ANO9: variants seen among roughly 807,000 people sequenced by gnomAD.
ANO9 encodes anoctamin 9, also known as anoctamin-9.
In ANO9, 80 loss-of-function variants were observed where a neutral mutation model predicts 100.5. That is an observed-to-expected ratio of 0.80 (90% CI 0.66 to 0.96). The LOEUF is 0.96. ANO9 is among the 40% of genes least tolerant of loss of function. ANO9 has a pLI of 0.00. For synonymous variants in ANO9, 473 were observed against 435.6 expected, an observed-to-expected ratio of 1.09 and a Z score of -1.07; for missense variants, 1,064 against 1,072.7, an observed-to-expected ratio of 0.99 and a Z score of 0.11.
In ANO9 at chr11:421,264, C is replaced by G; in HGVS notation, c.1335-66G>C. Reference sequence around the variant, plus strand: ...CCTGCCTCTGACAGGGTGGGTGCAGCAGGACAGAAGCGGGTAGGAAAGACA... The same window carrying G: ...CCTGCCTCTGACAGGGTGGGTGCAGGAGGACAGAAGCGGGTAGGAAAGACA... On this transcript the variant is annotated intron_variant, in intron 15 of 22. Transcript: ENST00000332826. The surrounding 1 kb of genome is among the most constrained non-coding windows in gnomAD (Gnocchi z 6.8). The G allele has an allele frequency of 7.0e-7, 1 of 1,435,246 alleles. No homozygotes were observed. Among genetic ancestry groups the G allele is most frequent in the Non-Finnish European group, 9.2e-7 (1 of 1,085,874 alleles). The allele number at this position is 1,435,246 out of a possible 1,614,324, so 88.9% of individuals were successfully genotyped here.
At chr11:433,975 G>A in intron 2 of ANO9, 38 bp from the exon 3 acceptor site, 1 of 1,551,982 alleles carries the variant, frequency 6.4e-7, no homozygotes, top group Non-Finnish European at 8.7e-7. Flanking sequence ...GCAGGTGAAG[G>A]GGCAGAGCAG....
intron 19 of ANO9, 153 bp downstream of exon 19, chr11:420,310 C>T: frequency 1.4e-6 from 2 of 1,453,360 alleles, no homozygotes; most frequent in East Asian, 5.0e-5. Context: ...CCAGGCTCAA[C>T]CCGCATCCGA....
chr11:435,406 A>ATAGTC (rs1049522939), intron 1 of ANO9, among the ~76,000 whole-genome samples: 2 of 150,144 alleles, frequency 1.3e-5, no homozygotes, highest in African/African-American at 4.9e-5. Context: ...ATAGTCTAGT[A>ATAGTC]TAGTCTAGTC....
intron 11 of ANO9, 116 bp from the exon 12 acceptor site, chr11:428,942 G>A: frequency 1.0e-6 from 1 of 972,706 alleles, no homozygotes; most frequent in South Asian, 1.5e-5. Context: ...CCCACACATG[G>A]GGAGACAGAC....
chr11:418,900 AC>A lies in ANO9; in HGVS notation c.2023del (p.Val675Ter), dbSNP rs1234579560. ...GGGAGTTCCAAACCTGCACAGAGTCACGTTTTCTGAGCCCTCAATCCCATCA... is the reference window on the plus strand; with the variant it reads ...GGGAGTTCCAAACCTGCACAGAGTCAGTTTTCTGAGCCCTCAATCCCATCA... ...DPDGIEGSEN[V>X]TLCRYRDYRN... On this transcript the variant is annotated frameshift_variant, in exon 21 of 23. Transcript: ENST00000332826. LOFTEE classifies it high-confidence loss of function. 1.2e-6 allele frequency: 2 copies of A among 1,613,488 alleles called. No individual in the cohort carries two copies. Among genetic ancestry groups the A allele is most frequent in the Non-Finnish European group, 1.7e-6 (2 of 1,179,984 alleles).
chr11:430,342 GC>G lies in ANO9; in HGVS notation c.600del (p.Met200IlefsTer7). The G allele has an allele frequency of 6.2e-7, 1 of 1,610,062 alleles. No individual in the cohort carries two copies. The highest frequency in any genetic ancestry group is 8.5e-7 in the Non-Finnish European group (1 of 1,179,214). On this transcript the variant is annotated frameshift_variant, in exon 8 of 23. Transcript: ENST00000332826. LOFTEE classifies it high-confidence loss of function. ...YFVWLGWYTY[M>X]LVPAALTGLL... ...AGGCCCGTCAGGGCGGCCGGCACCAGCATGTAGGTGTACCAGCCCAGCCAGA... is the reference window on the plus strand; with the variant it reads ...AGGCCCGTCAGGGCGGCCGGCACCAGATGTAGGTGTACCAGCCCAGCCAGA...
chr11:432,240 G>A lies in ANO9; in HGVS notation c.351-186C>T. 1.6e-6 allele frequency: 1 copy of A among 626,192 alleles called. No individual in the cohort carries two copies. The highest frequency in any genetic ancestry group is 2.8e-6 in the Non-Finnish European group (1 of 362,188). 38.8% of individuals were successfully genotyped at this position (626,192 alleles called of 1,614,324 possible). Reference sequence around the variant, plus strand: ...GAGCCCACCCCGCACCCTCCTTAAAGTGCTCCCAGGGCCTGGCCTGCCCCA... The same window carrying A: ...GAGCCCACCCCGCACCCTCCTTAAAATGCTCCCAGGGCCTGGCCTGCCCCA... On this transcript the variant is annotated intron_variant, in intron 4 of 22. Transcript: ENST00000332826. This position sits in a 1 kb window ranked among gnomAD's most constrained non-coding sequence, Gnocchi z 4.8.
Position 441,983 on chromosome 11 carries a change from C to T in ANO9, c.-57G>A, listed in dbSNP as rs1312593251. The T allele has an allele frequency of 4.4e-6, 7 of 1,586,420 alleles. No homozygotes were observed. The highest frequency in any genetic ancestry group is 2.7e-5 in the African/African-American group (2 of 74,798). ...TGGCGGCCAGGAGAGTGGCTGCCAGCGGCGGGTGCTCCTACCTGACTTCCG... is the reference window on the plus strand; with the variant it reads ...TGGCGGCCAGGAGAGTGGCTGCCAGTGGCGGGTGCTCCTACCTGACTTCCG... On this transcript the variant is annotated 5_prime_UTR_variant, in exon 1 of 23. Transcript: ENST00000332826.
chr11:437,755 G>A (rs867758386), intron 1 of ANO9, among the ~76,000 whole-genome samples: 3 of 152,212 alleles, frequency 2.0e-5, no homozygotes, highest in Admixed American at 6.5e-5. Flanking sequence ...GCTTGCCTCC[G>A]TAGGGGCCCG....
In ANO9 at chr11:425,766, C is replaced by G. The variant is rs527729886; in HGVS notation, c.1334+2322G>C. Reference sequence around the variant, plus strand: ...GTTTTTTTTGAGACGGAGTCTCACTCTGTCGCCCAGGCTGGAGTGCAGTGG... The same window carrying G: ...GTTTTTTTTGAGACGGAGTCTCACTGTGTCGCCCAGGCTGGAGTGCAGTGG... On this transcript the variant is annotated intron_variant, in intron 15 of 22. Transcript: ENST00000332826. 3.6e-4 allele frequency among the ~76,000 whole-genome samples: 54 copies of G among 151,902 alleles called. 1 individual carries two copies. Among genetic ancestry groups the G allele is most frequent in the African/African-American group, 1.2e-3 (49 of 41,420 alleles).
chr11:420,008 C>T (rs781047123), intron 19 of ANO9: 15 of 1,360,496 alleles, frequency 1.1e-5, no homozygotes, highest in Non-Finnish European at 1.3e-5. Context: ...CACTCCACCT[C>T]CTGGGTTCCC....
intron 18 of ANO9, 41 bp from the exon 19 acceptor site, chr11:420,656 T>G (rs1159939285): frequency 2.3e-5 from 37 of 1,601,680 alleles, no homozygotes; most frequent in Non-Finnish European, 3.1e-5. Flanking sequence ...CCCGCACTCA[T>G]GTCCGCGGAC....
intron 1 of ANO9, 42 bp downstream of exon 1, chr11:441,879 G>T (rs754294861): frequency 2.2e-5 from 35 of 1,599,056 alleles, no homozygotes; most frequent in Non-Finnish European, 1.2e-5. Flanking sequence ...GGGCGTGGCT[G>T]GGGGCCTTGA....
rs200170509 is a variant in ANO9, at chr11:418,545, G to A, written c.2175C>T (p.Pro725=). 40 of 1,613,094 alleles carry A rather than the reference G, an allele frequency of 2.5e-5. No homozygotes were observed. In the Middle Eastern group the frequency reaches 4.9e-4, roughly 20 times the overall value. Residue 725 remains proline (P), a synonymous_variant, in exon 23 of 23, where the codon CCC becomes CCT. Coordinates refer to ENST00000332826, the MANE Select transcript of ANO9 (RefSeq NM_001012302.3). ...TGTTCTTCACCGACTGAGGGATGTC[G>A]GGCACGAACCAGGCGGCGATGAGCT... The part of the protein sequence containing the change: ...CIKLIAAWFV[P]DIPQSVKNKV...
Position 428,705 on chromosome 11 carries a change from CG to C in ANO9, c.1020+16del. The C allele has an allele frequency of 1.2e-6, 2 of 1,612,852 alleles. No homozygotes were observed. The highest frequency in any genetic ancestry group is 1.7e-6 in the Non-Finnish European group (2 of 1,179,876). On this transcript the variant is annotated intron_variant, in intron 12 of 22. Transcript: ENST00000332826. Reference sequence around the variant, plus strand: ...GCAGCCCGGGTCTCCAGCCCCACCGCGGTGTCCCCTGCGTACCATGAGCAGG... The same window carrying C: ...GCAGCCCGGGTCTCCAGCCCCACCGCGTGTCCCCTGCGTACCATGAGCAGG...
chr11:436,699 G>A (rs1198345547), intron 1 of ANO9, among the ~76,000 whole-genome samples: 3 of 98,212 alleles, frequency 3.1e-5, no homozygotes, highest in Non-Finnish European at 6.5e-5. Context: ...GGTGAGCAGG[G>A]GGTAAGCAGG....
intron 1 of ANO9, among the ~76,000 whole-genome samples, chr11:435,501 A>C (rs896677500): frequency 4.6e-5 from 6 of 129,780 alleles, no homozygotes; most frequent in African/African-American, 6.1e-5. Flanking sequence ...ATAGTCTAGT[A>C]TAGTCTAGTC....
chr11:429,756 A>G lies in ANO9; in HGVS notation c.832+2T>C. ...CCGCAGAGGCGTCCCGCAGCAACTC[A>G]CCCCAGAGAGCCATGAAGATGGCGA... On this transcript the variant is annotated splice_donor_variant, in intron 10 of 22. Coordinates refer to ENST00000332826, the MANE Select transcript of ANO9 (RefSeq NM_001012302.3). LOFTEE classifies it high-confidence loss of function. 4.3e-6 allele frequency: 7 copies of G among 1,610,898 alleles called. No homozygotes were observed. Among genetic ancestry groups the G allele is most frequent in the Non-Finnish European group, 5.9e-6 (7 of 1,178,774 alleles).
At chr11:418,616 C>A (rs1309544138) in intron 22 of ANO9, 27 bp from the exon 23 acceptor site, 1 of 1,611,956 alleles carries the variant, frequency 6.2e-7, no homozygotes, top group Admixed American at 1.7e-5. Context: ...AGAGGCCCAG[C>A]ACGGTCAGGT....
Sources: allele counts gnomAD v4.1 joint callset (sites outside exome capture counted in the v4.1 genomes callset), GRCh38; gene constraint gnomAD v4.1.1; non-coding constraint Gnocchi (gnomAD v3.1); transcripts MANE v1.5; gene names NCBI Gene and HGNC (gene_info 2026-07-23, HGNC 2026-07-21).